PCNX2: variants seen among roughly 807,000 people sequenced by gnomAD.
The protein encoded by PCNX2 is pecanex 2.
A neutral mutation model predicts 223.8 loss-of-function variants in PCNX2; 168 were observed. The ratio of observed to expected loss-of-function variants is 0.75; its 90% CI spans 0.66 to 0.85. The LOEUF is 0.85. Ranked by LOEUF, PCNX2 falls within the 40% of genes least tolerant of loss-of-function variation. The pLI, the probability that PCNX2 is intolerant of heterozygous loss-of-function variation, is 0.00. For synonymous variants in PCNX2, 1,006 were observed against 1,052.6 expected (o/e 0.96, Z 0.86); for missense variants, 2,507 against 2,675.5 (o/e 0.94, Z 1.39).
chr1:233,266,147 G>C (rs1418525825), intron 1 of PCNX2, among the ~76,000 whole-genome samples: 1 of 152,124 alleles, frequency 6.6e-6, no homozygotes, highest in Non-Finnish European at 1.5e-5. Flanking sequence ...TGGAAGAAAG[G>C]TTTTACAGCA....
chr1:232,987,572 A>G (rs932855601), intron 32 of PCNX2, among the ~76,000 whole-genome samples: 2 of 152,214 alleles, frequency 1.3e-5, no homozygotes, highest in Non-Finnish European at 2.9e-5. Context: ...AGGCATGAGT[A>G]TCAGAAAGGA....
At chr1:233,252,298 G>A in intron 7 of PCNX2, 56 bp downstream of exon 7, 2 of 1,550,830 alleles carry the variant, frequency 1.3e-6, no homozygotes, top group Non-Finnish European at 1.8e-6. Flanking sequence ...ACTGAGTCCT[G>A]AGAAAGCTGA....
Position 233,218,139 on chromosome 1 carries a change from G to A in PCNX2, c.2550C>T (p.Val850=). ...KENVLAILLI[V]LVSLLGFLTL... ...TCAGAAATCCAAGGAGGGAAACCAG[G>A]ACAATGAGTAAAATCGCCAGTACAT... Residue 850 remains valine (V), a synonymous_variant, in exon 11 of 34, where the codon GTC becomes GTT. Coordinates refer to ENST00000258229, the MANE Select transcript of PCNX2 (RefSeq NM_014801.4). 1.4e-6 allele frequency: 2 copies of A among 1,405,358 alleles called. No individual in the cohort carries two copies. Among genetic ancestry groups the A allele is most frequent in the Non-Finnish European group, 1.9e-6 (2 of 1,061,796 alleles). 87.1% of individuals were successfully genotyped at this position (1,405,358 alleles called of 1,614,324 possible).
At chr1:233,006,767 C>T (rs1025293186) in intron 28 of PCNX2, among the ~76,000 whole-genome samples, 1 of 152,234 alleles carries the variant, frequency 6.6e-6, no homozygotes, top group East Asian at 1.9e-4. Flanking sequence ...CATTGTGAAG[C>T]GCCTTCTGCT....
At chr1:232,999,742 A>AG (rs1195159435) in intron 30 of PCNX2, 1 of 235,074 alleles carries the variant, frequency 4.3e-6, no homozygotes, top group Non-Finnish European at 8.4e-6. Context: ...ATGAGAGAGC[A>AG]GGGCTCTGGG....
Position 233,050,202 on chromosome 1 carries a change from T to A in PCNX2, c.4351+4066A>T, listed in dbSNP as rs572069487. 3.3e-5 allele frequency among the ~76,000 whole-genome samples: 5 copies of A among 152,154 alleles called. No homozygotes were observed. The South Asian group carries it at 1.0e-3, about 32-fold the overall frequency. ...TGTATATCTATGTAACAAACCTGCATGTTCTGCACATGTATCCCAGAAATT... is the reference window on the plus strand; with the variant it reads ...TGTATATCTATGTAACAAACCTGCAAGTTCTGCACATGTATCCCAGAAATT... On this transcript the variant is annotated intron_variant, in intron 25 of 33. Transcript: ENST00000258229.
At chr1:233,181,797 C>G (rs749795554) in intron 15 of PCNX2, among the ~76,000 whole-genome samples, 3 of 152,148 alleles carry the variant, frequency 2.0e-5, no homozygotes, top group Non-Finnish European at 2.9e-5. Flanking sequence ...GCCTCTTTTA[C>G]AAGGACACTG....
At chr1:233,200,409 A>C (rs1330991863) in intron 13 of PCNX2, 145 bp from the exon 14 acceptor site, 3 of 397,640 alleles carry the variant, frequency 7.5e-6, no homozygotes, top group African/African-American at 5.7e-5. Context: ...TTTTTTTTTG[A>C]GATGGAGTCT....
chr1:233,250,694 C>T (rs1018235044), intron 8 of PCNX2, 45 bp downstream of exon 8: 1 of 1,545,574 alleles, frequency 6.5e-7, no homozygotes, highest in Non-Finnish European at 8.7e-7. Flanking sequence ...CTGTGTCTCC[C>T]AGCAATGCAA....
chr1:233,299,972 C>G (rs1558439940), upstream of PCNX2, among the ~76,000 whole-genome samples: 1 of 151,994 alleles, frequency 6.6e-6, no homozygotes, highest in Non-Finnish European at 1.5e-5. Flanking sequence ...CTGCCCTCAC[C>G]TAATCCCTTT....
At chr1:233,006,206 C>T (rs11589365) in intron 28 of PCNX2, among the ~76,000 whole-genome samples, 36,446 of 152,004 alleles carry the variant, frequency 0.24, 4,479 homozygotes, top group East Asian at 0.32. Flanking sequence ...TTTCAGATGA[C>T]GATGAGGAGC....
At chr1:233,098,390 G>A (rs1354996453) in intron 21 of PCNX2, among the ~76,000 whole-genome samples, 1 of 152,162 alleles carries the variant, frequency 6.6e-6, no homozygotes, top group Admixed American at 6.5e-5. Context: ...ACAGCAACTT[G>A]TATTTACACA....
intron 8 of PCNX2, among the ~76,000 whole-genome samples, chr1:233,239,899 T>C (rs1658649877): frequency 6.6e-6 from 1 of 152,214 alleles, no homozygotes; most frequent in Non-Finnish European, 1.5e-5. Context: ...CCTTATTTTA[T>C]AAAGACAGTC....
chr1:233,169,970 T>C (rs1679055090), intron 17 of PCNX2, among the ~76,000 whole-genome samples: 1 of 152,184 alleles, frequency 6.6e-6, no homozygotes. Context: ...TACCATACTA[T>C]ATGCATTATT....
intron 24 of PCNX2, among the ~76,000 whole-genome samples, chr1:233,054,991 A>G (rs769420542): frequency 1.9e-4 from 29 of 152,226 alleles, no homozygotes; most frequent in South Asian, 8.3e-4. Context: ...TCTGTTGTAT[A>G]TATGAGTGTG....
chr1:233,120,602 T>C (rs1317183585), intron 21 of PCNX2, among the ~76,000 whole-genome samples: 1 of 152,176 alleles, frequency 6.6e-6, no homozygotes, highest in African/African-American at 2.4e-5. Flanking sequence ...TAATGAATTA[T>C]CGATCTCCAC....
chr1:233,048,704 G>A (rs1224588525), intron 25 of PCNX2, among the ~76,000 whole-genome samples: 1 of 152,052 alleles, frequency 6.6e-6, no homozygotes, highest in East Asian at 1.9e-4. Context: ...CATACAAAGA[G>A]TCAACAAAAC....
At chr1:233,315,275 CAG>C in the PCNX2 span, among the ~76,000 whole-genome samples, 2 of 152,074 alleles carry the variant, frequency 1.3e-5, no homozygotes, top group African/African-American at 4.8e-5. Context: ...GCAGAAAAAA[CAG>C]AGATTATTTC....
intron 21 of PCNX2, among the ~76,000 whole-genome samples, chr1:233,125,511 C>T (rs902627287): frequency 6.6e-6 from 1 of 152,158 alleles, no homozygotes; most frequent in Non-Finnish European, 1.5e-5. Flanking sequence ...CAGTGGCCAC[C>T]AGCCACTTCC....
Sources: allele counts gnomAD v4.1 joint callset (sites outside exome capture counted in the v4.1 genomes callset), GRCh38; gene constraint gnomAD v4.1.1; transcripts MANE v1.5; gene names NCBI Gene and HGNC (gene_info 2026-07-23, HGNC 2026-07-21).